Variants in KCNIP4 observed in about 807,000 individuals in gnomAD.
KCNIP4 encodes potassium voltage-gated channel interacting protein 4.
In KCNIP4, 12 loss-of-function variants were observed where a neutral mutation model predicts 34.0. The ratio of observed to expected loss-of-function variants is 0.35; its 90% CI spans 0.23 to 0.57. KCNIP4 has a LOEUF of 0.57. Ranked by LOEUF, KCNIP4 falls within the 20% of genes least tolerant of loss-of-function variation. The pLI, the probability that KCNIP4 is intolerant of heterozygous loss-of-function variation, is 0.83. For missense variants in KCNIP4, 238 were observed against 311.7 expected, an observed-to-expected ratio of 0.76 and a Z score of 1.78; for synonymous variants, 124 against 102.2, an observed-to-expected ratio of 1.21 and a Z score of -1.29.
chr4:21,278,496 C>T (rs188236121), intron 1 of KCNIP4, among the ~76,000 whole-genome samples: 2 of 152,252 alleles, frequency 1.3e-5, no homozygotes, highest in African/African-American at 4.8e-5. Context: ...CCTCCAGCTC[C>T]ATCCAGGTTG....
chr4:21,024,010 G>A (rs1299531081), intron 1 of KCNIP4, among the ~76,000 whole-genome samples: 2 of 152,196 alleles, frequency 1.3e-5, no homozygotes, highest in Non-Finnish European at 2.9e-5. Context: ...ATACACTGTG[G>A]GTGAGAAGGG....
At chr4:21,701,496 A>T (rs1392554237) in intron 1 of KCNIP4, among the ~76,000 whole-genome samples, 2 of 152,114 alleles carry the variant, frequency 1.3e-5, no homozygotes, top group Non-Finnish European at 2.9e-5. Flanking sequence ...TATATATCAA[A>T]ACATCATATT....
chr4:21,589,167 T>C (rs1741915865), intron 1 of KCNIP4, among the ~76,000 whole-genome samples: 1 of 45,150 alleles, frequency 2.2e-5, no homozygotes, highest in African/African-American at 8.4e-5. Flanking sequence ...TATATATATA[T>C]ATATATATAT....
chr4:21,582,919 C>A (rs1202271462), intron 1 of KCNIP4, among the ~76,000 whole-genome samples: 3 of 151,772 alleles, frequency 2.0e-5, no homozygotes, highest in East Asian at 3.9e-4. Flanking sequence ...AGTGTGTGCA[C>A]CCATCCTAGA....
At chr4:21,795,617 C>T (rs1720571309) in intron 1 of KCNIP4, among the ~76,000 whole-genome samples, 2 of 152,134 alleles carry the variant, frequency 1.3e-5, no homozygotes, top group South Asian at 4.1e-4. Context: ...ATTTTGGATG[C>T]CATTTATATG....
At chr4:21,880,569 T>C (rs1441019892) in intron 1 of KCNIP4, among the ~76,000 whole-genome samples, 1 of 152,246 alleles carries the variant, frequency 6.6e-6, no homozygotes, top group Non-Finnish European at 1.5e-5. Context: ...TCCTTGGTCA[T>C]TGTTATACAG....
At chr4:21,110,697 A>G (rs555777208) in intron 1 of KCNIP4, among the ~76,000 whole-genome samples, 2 of 152,304 alleles carry the variant, frequency 1.3e-5, no homozygotes, top group Non-Finnish European at 2.9e-5. Flanking sequence ...TTGAGAGGCA[A>G]TTAGGTCATG....
chr4:20,742,964 A>G (rs550426597), intron 5 of KCNIP4, among the ~76,000 whole-genome samples: 8 of 151,944 alleles, frequency 5.3e-5, no homozygotes, highest in East Asian at 3.9e-4. Context: ...CCCATTCACA[A>G]TTGCTTCAAA....
chr4:21,261,975 A>C (rs932737248), intron 1 of KCNIP4, among the ~76,000 whole-genome samples: 1 of 152,170 alleles, frequency 6.6e-6, no homozygotes, highest in Admixed American at 6.5e-5. Flanking sequence ...ATCTGAATCA[A>C]TACAAACTCC....
At chr4:21,326,771 A>G (rs1217997508) in intron 1 of KCNIP4, among the ~76,000 whole-genome samples, 1 of 151,186 alleles carries the variant, frequency 6.6e-6, no homozygotes, top group African/African-American at 2.4e-5. Context: ...CTCTGGTGGT[A>G]TGTTTTAATT....
intron 1 of KCNIP4, among the ~76,000 whole-genome samples, chr4:21,086,954 C>A (rs1416808258): frequency 6.8e-6 from 1 of 147,744 alleles, no homozygotes; most frequent in African/African-American, 2.5e-5. Flanking sequence ...TCCCTCCCTC[C>A]CTTCCTTTTC....
At chr4:21,269,769 G>A (rs1762030123) in intron 1 of KCNIP4, among the ~76,000 whole-genome samples, 1 of 152,130 alleles carries the variant, frequency 6.6e-6, no homozygotes, top group African/African-American at 2.4e-5. Flanking sequence ...AGGAAGAGAA[G>A]AAATACATGG....
rs543756161 is a variant in KCNIP4, at chr4:21,689,059, G to GAC, written c.61+259510_61+259511dup. 2.6e-3 allele frequency among the ~76,000 whole-genome samples: 402 copies of GAC among 152,104 alleles called. 1 individual carries two copies. Among genetic ancestry groups the GAC allele is most frequent in the African/African-American group, 7.7e-3 (321 of 41,504 alleles). ...TATTTATTTGCTGTACTGGCAGGTT[G>GAC]ACAGGGCAACTGGGAATCATGAAGA... On this transcript the variant is annotated intron_variant, in intron 1 of 8. Transcript: ENST00000382152.
At position 21,318,148 on chromosome 4, in the gene KCNIP4, T is replaced by C. The variant is rs1245716717; in HGVS notation, c.62-435439A>G. The stretch of plus-strand genomic sequence containing the variant: ...ATTTTGATGATCACTGATTTACTTC[T>C]TGTAAACAGCTTTACCAAAGAGGGA... On this transcript the variant is annotated intron_variant, in intron 1 of 8. Transcript: ENST00000382152. Among the ~76,000 whole-genome samples, 3 of 152,316 alleles carry C rather than the reference T, an allele frequency of 2.0e-5. No homozygotes were observed. The East Asian group carries it at 5.8e-4, about 29-fold the overall frequency.
intron 1 of KCNIP4, among the ~76,000 whole-genome samples, chr4:20,934,827 T>C (rs1473806096): frequency 6.6e-6 from 1 of 152,216 alleles, no homozygotes; most frequent in East Asian, 1.9e-4. Context: ...CTTGGCTATT[T>C]AAAACAACTG....
chr4:20,771,187 T>C (rs1338387398), intron 3 of KCNIP4, among the ~76,000 whole-genome samples: 2 of 152,130 alleles, frequency 1.3e-5, no homozygotes, highest in African/African-American at 4.8e-5. Flanking sequence ...ATGGAGATGA[T>C]GGTATACACA....
chr4:21,916,578 T>A (rs1285511843), intron 1 of KCNIP4, among the ~76,000 whole-genome samples: 1 of 152,192 alleles, frequency 6.6e-6, no homozygotes. Flanking sequence ...TCTACCAACA[T>A]CCTATTCTAT....
intron 1 of KCNIP4, among the ~76,000 whole-genome samples, chr4:21,190,660 A>T (rs923752824): frequency 6.6e-6 from 1 of 152,160 alleles, no homozygotes; most frequent in Non-Finnish European, 1.5e-5. Context: ...TCTAAACCCC[A>T]ATGGCTTTAA....
chr4:21,008,255 A>G (rs1049639644), intron 1 of KCNIP4, among the ~76,000 whole-genome samples: 5 of 152,128 alleles, frequency 3.3e-5, no homozygotes, highest in African/African-American at 1.2e-4. Context: ...TTTGCTACCA[A>G]ACCGTCTCCC....
Sources: gnomAD v4.1 joint callset for allele counts (sites outside exome capture counted in the v4.1 genomes callset) on GRCh38, gnomAD v4.1.1 for gene constraint, MANE v1.5 for transcripts, NCBI Gene and HGNC (gene_info 2026-07-23, HGNC 2026-07-21) for gene names.